The following MAGI2 variants were observed in gnomAD, a reference collection of about 807,000 sequenced individuals.
MAGI2 encodes membrane-associated guanylate kinase, WW and PDZ domain-containing protein 2.
Under a neutral mutation model 133.3 loss-of-function variants are expected in MAGI2, and 35 were observed. The observed-to-expected ratio is 0.26, with a 90% CI of 0.20 to 0.35. The LOEUF is 0.35. Ranked by LOEUF, MAGI2 falls within the 10% of genes least tolerant of loss-of-function variation. The probability of loss-of-function intolerance (pLI) is 1.00; values close to 1 mark genes in which losing one functional copy is unlikely to be tolerated. For missense variants in MAGI2, 1,636 were observed against 1,863.4 expected (o/e 0.88, Z 2.25); for synonymous variants, 729 against 710.6 (o/e 1.03, Z -0.41).
chr7:78,458,294 C>T (rs200336919), intron 6 of MAGI2, among the ~76,000 whole-genome samples: 1 of 113,098 alleles, frequency 8.8e-6, no homozygotes. Context: ...AACTCGGTCT[C>T]AAAAAAAAAA....
At chr7:79,013,943 A>G (rs1808434387) in intron 1 of MAGI2, among the ~76,000 whole-genome samples, 1 of 152,146 alleles carries the variant, frequency 6.6e-6, no homozygotes, top group Non-Finnish European at 1.5e-5. Flanking sequence ...TCCCTTCAAT[A>G]TTTTATTCAT....
chr7:79,163,932 T>A (rs185123093), intron 1 of MAGI2, among the ~76,000 whole-genome samples: 37 of 152,208 alleles, frequency 2.4e-4, no homozygotes, highest in Admixed American at 1.4e-3. Context: ...TTTCTTCTTT[T>A]TTTTAGACTA....
At chr7:78,549,442 G>T (rs907633307) in intron 3 of MAGI2, among the ~76,000 whole-genome samples, 1 of 151,448 alleles carries the variant, frequency 6.6e-6, no homozygotes, top group South Asian at 2.1e-4. Context: ...AAAATCACCC[G>T]ATTCCTCACA....
At position 78,957,281 on chromosome 7, in the gene MAGI2, A is replaced by G. The variant is rs555703691; in HGVS notation, c.418+49809T>C. Reference sequence around the variant, plus strand: ...CTCCATCTCAAAAAAAAAAAAAAAAAAAAAGAAAAGAAAAGAAAAAAAAAT... The same window carrying G: ...CTCCATCTCAAAAAAAAAAAAAAAAGAAAAGAAAAGAAAAGAAAAAAAAAT... On this transcript the variant is annotated intron_variant, in intron 2 of 21. Transcript: ENST00000354212. Among the ~76,000 whole-genome samples the G allele has an allele frequency of 4.5e-3, 678 of 150,074 alleles. 2 individuals carry two copies. Among genetic ancestry groups the G allele is most frequent in the Non-Finnish European group, 6.9e-3 (466 of 67,412 alleles).
chr7:78,127,045 T>A lies in MAGI2; in HGVS notation c.3423+152A>T, dbSNP rs190886118. On this transcript the variant is annotated intron_variant, in intron 19 of 21. Transcript: ENST00000354212. ...TATTTATCCAGCATGTTTCTGAGGATGCAGGTGTTACCCCGATGTTACCAG... is the reference window on the plus strand; with the variant it reads ...TATTTATCCAGCATGTTTCTGAGGAAGCAGGTGTTACCCCGATGTTACCAG... 1.2e-3 allele frequency: 696 copies of A among 561,512 alleles called. 5 individuals carry two copies. The highest frequency in any genetic ancestry group is 6.0e-3 in the Middle Eastern group (13 of 2,158). The allele number at this position is 561,512 out of a possible 1,614,324, so 34.8% of individuals were successfully genotyped here. A position where few individuals can be genotyped will look rare whatever the true frequency, so the allele number is the denominator to read the frequency against.
intron 2 of MAGI2, among the ~76,000 whole-genome samples, chr7:78,842,009 C>A (rs906387224): frequency 1.3e-4 from 19 of 151,902 alleles, no homozygotes; most frequent in Non-Finnish European, 2.1e-4. Context: ...GAGCATACGG[C>A]ATATCATAGG....
intron 1 of MAGI2, among the ~76,000 whole-genome samples, chr7:79,443,026 C>A (rs1848592900): frequency 6.6e-6 from 1 of 151,948 alleles, no homozygotes; most frequent in African/African-American, 2.4e-5. Context: ...AATCCCAGCA[C>A]TTTGGGAGGC....
intron 1 of MAGI2, among the ~76,000 whole-genome samples, chr7:79,322,934 G>T (rs1050985504): frequency 4.6e-5 from 7 of 152,100 alleles, no homozygotes; most frequent in African/African-American, 1.4e-4. Flanking sequence ...TAACTCCTAG[G>T]CTCAAGTTAT....
chr7:79,085,437 A>T (rs180943331), intron 1 of MAGI2, among the ~76,000 whole-genome samples: 1 of 151,956 alleles, frequency 6.6e-6, no homozygotes, highest in Admixed American at 6.6e-5. Flanking sequence ...GGACATATTT[A>T]TAACAGCTGG....
chr7:78,747,100 T>A (rs1822994914), intron 2 of MAGI2, among the ~76,000 whole-genome samples: 1 of 152,160 alleles, frequency 6.6e-6, no homozygotes, highest in South Asian at 2.1e-4. Context: ...TTGATGATAA[T>A]ATTCACTATG....
intron 1 of MAGI2, among the ~76,000 whole-genome samples, chr7:79,351,454 T>C (rs1243173037): frequency 2.0e-5 from 3 of 152,098 alleles, no homozygotes; most frequent in Non-Finnish European, 2.9e-5. Flanking sequence ...AAAATAATAC[T>C]AGAAGAAAAA....
rs1818849437 is a variant in MAGI2 at position 79,110,633 on chromosome 7, G to A, written c.302-103427C>T. Among the ~76,000 whole-genome samples the A allele has an allele frequency of 2.0e-5, 3 of 152,186 alleles. No homozygotes were observed. In the South Asian group the frequency reaches 6.2e-4, roughly 32 times the overall value. On this transcript the variant is annotated intron_variant, in intron 1 of 21. Transcript: ENST00000354212. Reference sequence around the variant, plus strand: ...TTGAGATTTTGGAATTCAGACTTGGGACTTTTGAGTTAATGTTGGAATGAG... The same window carrying A: ...TTGAGATTTTGGAATTCAGACTTGGAACTTTTGAGTTAATGTTGGAATGAG...
At chr7:79,293,041 A>G (rs913431180) in intron 1 of MAGI2, among the ~76,000 whole-genome samples, 2 of 152,198 alleles carry the variant, frequency 1.3e-5, no homozygotes, top group East Asian at 3.8e-4. Flanking sequence ...TCTGTGGGTC[A>G]GTATGTACTA....
intron 1 of MAGI2, among the ~76,000 whole-genome samples, chr7:79,070,554 C>T (rs753867021): frequency 4.5e-4 from 69 of 151,694 alleles, no homozygotes; most frequent in Non-Finnish European, 8.5e-4. Context: ...TGCAGTGGCA[C>T]GATCTCGGCT....
At chr7:78,978,190 A>C (rs370867398) in intron 2 of MAGI2, among the ~76,000 whole-genome samples, 69 of 151,954 alleles carry the variant, frequency 4.5e-4, no homozygotes, top group African/African-American at 1.6e-3. Flanking sequence ...TTGACTCGAA[A>C]ACTTATGTTA....
chr7:78,361,730 TTGA>T (rs1792832590), intron 7 of MAGI2, among the ~76,000 whole-genome samples: 1 of 152,200 alleles, frequency 6.6e-6, no homozygotes, highest in Non-Finnish European at 1.5e-5. Flanking sequence ...AGTAAGGTTG[TTGA>T]TAAGATGTAA....
At chr7:78,391,176 A>G (rs913558041) in intron 6 of MAGI2, among the ~76,000 whole-genome samples, 1 of 152,218 alleles carries the variant, frequency 6.6e-6, no homozygotes, top group African/African-American at 2.4e-5. Context: ...GTCAGAGTCC[A>G]AATTCAGCAT....
intron 21 of MAGI2, among the ~76,000 whole-genome samples, chr7:78,043,677 CG>C (rs1811096137): frequency 6.6e-6 from 1 of 152,156 alleles, no homozygotes; most frequent in Non-Finnish European, 1.5e-5. Context: ...AATGTCTTCA[CG>C]GTCAACTTTT....
At chr7:78,133,391 G>C (rs1477468318) in intron 17 of MAGI2, among the ~76,000 whole-genome samples, 1 of 152,112 alleles carries the variant, frequency 6.6e-6, no homozygotes, top group African/African-American at 2.4e-5. Context: ...TTGCAGCATC[G>C]CTTGCTGAGA....
Sources: allele counts gnomAD v4.1 joint callset (sites outside exome capture counted in the v4.1 genomes callset), GRCh38; gene constraint gnomAD v4.1.1; transcripts MANE v1.5; gene names NCBI Gene and HGNC (gene_info 2026-07-23, HGNC 2026-07-21).